The following PIP5K1B variants were observed in gnomAD, a reference collection of about 807,000 sequenced individuals.
PIP5K1B encodes the protein phosphatidylinositol-4-phosphate 5-kinase type 1 beta, also known as phosphatidylinositol 4-phosphate 5-kinase type-1 beta.
A neutral mutation model predicts 67.0 loss-of-function variants in PIP5K1B; 42 were observed. The observed-to-expected ratio is 0.63, with a 90% CI of 0.49 to 0.81. PIP5K1B has a LOEUF of 0.81. Among genes scored for constraint, PIP5K1B ranks in the 30% least tolerant of loss-of-function variants. PIP5K1B has a pLI of 0.00. For synonymous variants in PIP5K1B, 214 were observed against 231.4 expected, an observed-to-expected ratio of 0.92 and a Z score of 0.68; for missense variants, 459 against 646.3, an observed-to-expected ratio of 0.71 and a Z score of 3.14.
At chr9:68,850,169 T>C (rs1339153131) in intron 4 of PIP5K1B, among the ~76,000 whole-genome samples, 1 of 152,196 alleles carries the variant, frequency 6.6e-6, no homozygotes, top group East Asian at 1.9e-4. Flanking sequence ...GAAGCCTACT[T>C]CATCTCTGTC....
chr9:68,742,202 A>G (rs1032473200), intron 1 of PIP5K1B: 1 of 152,174 alleles, frequency 6.6e-6, no homozygotes, highest in African/African-American at 2.4e-5. Flanking sequence ...CTATAAGGTC[A>G]TCTAGTTTCT....
chr9:68,999,439 T>A (rs996275289), intron 15 of PIP5K1B, among the ~76,000 whole-genome samples: 1 of 152,236 alleles, frequency 6.6e-6, no homozygotes, highest in Non-Finnish European at 1.5e-5. Context: ...TAGATAGATG[T>A]TTCCAAATTA....
At position 68,705,477 on chromosome 9, in the gene PIP5K1B, C is replaced by A. The variant is rs981878540; in HGVS notation, c.-528C>A. The stretch of plus-strand genomic sequence containing the variant: ...GGAAAGCGGGGACACACACACTCGC[C>A]GCGGCGCGCGCGCACTGCACACTCG... On this transcript the variant is annotated 5_prime_UTR_variant, in exon 1 of 16. Coordinates refer to ENST00000265382, the MANE Select transcript of PIP5K1B (RefSeq NM_003558.4). 6.6e-6 allele frequency: 1 copy of A among 151,384 alleles called. No homozygotes were observed. Among genetic ancestry groups the A allele is most frequent in the Non-Finnish European group, 1.5e-5 (1 of 67,656 alleles). 9.4% of individuals were successfully genotyped at this position (151,384 alleles called of 1,614,324 possible).
chr9:68,945,041 T>C (rs1191688917), intron 14 of PIP5K1B, among the ~76,000 whole-genome samples: 1 of 151,874 alleles, frequency 6.6e-6, no homozygotes, highest in Non-Finnish European at 1.5e-5. Flanking sequence ...TTTCCTAACA[T>C]GAGTTCTGGT....
intron 4 of PIP5K1B, chr9:68,824,109 A>G (rs757028742): frequency 1.9e-6 from 1 of 518,922 alleles, no homozygotes; most frequent in South Asian, 1.4e-5. Context: ...CAAGTGAAAA[A>G]CCAAATCCTG....
At chr9:68,899,747 G>A (rs1220358111) in intron 8 of PIP5K1B, among the ~76,000 whole-genome samples, 2 of 152,132 alleles carry the variant, frequency 1.3e-5, no homozygotes, top group Non-Finnish European at 2.9e-5. Context: ...GTTGTAAATG[G>A]TCATTAGACT....
intron 14 of PIP5K1B, among the ~76,000 whole-genome samples, chr9:68,946,974 C>A (rs1354651601): frequency 6.6e-6 from 1 of 152,190 alleles, no homozygotes; most frequent in Non-Finnish European, 1.5e-5. Flanking sequence ...AGCATTTATA[C>A]CTTGTGGCAC....
At chr9:68,756,404 T>G (rs1222168859) in intron 2 of PIP5K1B, among the ~76,000 whole-genome samples, 6 of 152,254 alleles carry the variant, frequency 3.9e-5, no homozygotes, top group Non-Finnish European at 7.3e-5. Flanking sequence ...CAGTCTGCAG[T>G]CTGTGTATTC....
intron 13 of PIP5K1B, 134 bp from the exon 14 acceptor site, chr9:68,940,512 G>A (rs1827503711): frequency 4.0e-6 from 3 of 746,498 alleles, no homozygotes; most frequent in South Asian, 2.3e-5. Context: ...GAAAAAAAAA[G>A]TGCAGTTAAT....
intron 7 of PIP5K1B, among the ~76,000 whole-genome samples, chr9:68,891,671 G>GC (rs1824799693): frequency 6.6e-6 from 1 of 152,024 alleles, no homozygotes; most frequent in Non-Finnish European, 1.5e-5. Context: ...AAAAGTACAA[G>GC]CACTGTTCTC....
chr9:68,746,468 CCTCT>C (rs145073023), intron 2 of PIP5K1B, among the ~76,000 whole-genome samples: 1 of 152,114 alleles, frequency 6.6e-6, no homozygotes, highest in Non-Finnish European at 1.5e-5. Flanking sequence ...CCCTTTCTCT[CCTCT>C]CTCTGTCTCA....
intron 1 of PIP5K1B, among the ~76,000 whole-genome samples, chr9:68,719,153 G>A (rs567095294): frequency 5.9e-5 from 9 of 152,186 alleles, no homozygotes; most frequent in Admixed American, 2.6e-4. Flanking sequence ...ACCTTTTCAG[G>A]CTGTGATAGG....
intron 1 of PIP5K1B, among the ~76,000 whole-genome samples, chr9:68,737,577 T>C (rs7044422): frequency 0.29 from 43,950 of 152,088 alleles, 6,560 homozygotes; most frequent in South Asian, 0.42. Flanking sequence ...GGATTGTATC[T>C]CAGGGTTAGC....
chr9:68,908,613 A>G (rs1192852969), intron 8 of PIP5K1B, among the ~76,000 whole-genome samples: 1 of 152,202 alleles, frequency 6.6e-6, no homozygotes, highest in Non-Finnish European at 1.5e-5. Context: ...TTATGACATT[A>G]GCAAAGAACA....
chr9:68,763,509 A>G (rs1293505751), intron 2 of PIP5K1B, among the ~76,000 whole-genome samples: 1 of 152,128 alleles, frequency 6.6e-6, no homozygotes, highest in Non-Finnish European at 1.5e-5. Flanking sequence ...TCACAATGAT[A>G]TTACATGAGG....
At chr9:68,746,743 C>T (rs557091840) in intron 2 of PIP5K1B, among the ~76,000 whole-genome samples, 4 of 152,274 alleles carry the variant, frequency 2.6e-5, no homozygotes, top group African/African-American at 9.6e-5. Context: ...CAAGGCCTGG[C>T]TTACCACTTC....
At chr9:68,920,189 C>T (rs74462579) in intron 11 of PIP5K1B, among the ~76,000 whole-genome samples, 3,815 of 152,150 alleles carry the variant, frequency 0.025, 103 homozygotes, top group African/African-American at 0.071. Flanking sequence ...CCTTGTTTCT[C>T]ACCTGTACCA....
At chr9:68,815,789 C>T (rs28484614) in intron 2 of PIP5K1B, among the ~76,000 whole-genome samples, 2 of 151,806 alleles carry the variant, frequency 1.3e-5, no homozygotes, top group African/African-American at 4.8e-5. Flanking sequence ...ATTAAGAAAT[C>T]AAATCAAAGA....
intron 13 of PIP5K1B, among the ~76,000 whole-genome samples, chr9:68,936,971 T>C (rs1827294196): frequency 6.6e-6 from 1 of 152,180 alleles, no homozygotes; most frequent in Non-Finnish European, 1.5e-5. Context: ...GACTTGATCA[T>C]GGTGGATAAG....
Sources: allele counts gnomAD v4.1 joint callset (sites outside exome capture counted in the v4.1 genomes callset), GRCh38; gene constraint gnomAD v4.1.1; transcripts MANE v1.5; gene names NCBI Gene and HGNC (gene_info 2026-07-23, HGNC 2026-07-21).